The following KIF26B variants were observed in gnomAD, a reference collection of about 807,000 sequenced individuals.
KIF26B encodes kinesin family member 26B, also known as kinesin-like protein KIF26B.
In KIF26B, 63 loss-of-function variants were observed where a neutral mutation model predicts 151.2. That is an observed-to-expected ratio of 0.42 (90% CI 0.34 to 0.51). The LOEUF is 0.51. Ranked by LOEUF, KIF26B falls within the 20% of genes least tolerant of loss-of-function variation. The probability of loss-of-function intolerance (pLI) is 0.07; values close to 1 mark genes in which losing one functional copy is unlikely to be tolerated. For synonymous variants in KIF26B, 1,357 were observed against 1,262.1 expected, an observed-to-expected ratio of 1.08 and a Z score of -1.59; for missense variants, 2,813 against 2,913.6, an observed-to-expected ratio of 0.97 and a Z score of 0.79.
intron 4 of KIF26B, among the ~76,000 whole-genome samples, chr1:245,479,444 G>A (rs1480708674): frequency 3.3e-5 from 5 of 151,736 alleles, no homozygotes; most frequent in Non-Finnish European, 5.9e-5. Flanking sequence ...AGTCTTTTTT[G>A]TTAGCTCTTT....
chr1:245,526,344 C>T (rs149698985), intron 4 of KIF26B, among the ~76,000 whole-genome samples: 1 of 152,136 alleles, frequency 6.6e-6, no homozygotes, highest in Non-Finnish European at 1.5e-5. Context: ...TGCTAAGGTA[C>T]CAGCCATCTA....
intron 2 of KIF26B, among the ~76,000 whole-genome samples, chr1:245,245,366 G>C (rs565231527): frequency 7.9e-5 from 12 of 152,308 alleles, no homozygotes; most frequent in African/African-American, 2.9e-4. Context: ...GCCGAGTCTT[G>C]CTGTTGCCCT....
intron 12 of KIF26B, among the ~76,000 whole-genome samples, chr1:245,697,733 A>C (rs1167736154): frequency 1.3e-5 from 2 of 152,132 alleles, no homozygotes; most frequent in Non-Finnish European, 2.9e-5. Context: ...TATTTAAAAG[A>C]TTGAAATTCA....
At chr1:245,586,944 C>T (rs978580923) in intron 5 of KIF26B, among the ~76,000 whole-genome samples, 1 of 152,042 alleles carries the variant, frequency 6.6e-6, no homozygotes, top group Non-Finnish European at 1.5e-5. Context: ...TTCCCACGTG[C>T]CGGGCTATTT....
intron 2 of KIF26B, among the ~76,000 whole-genome samples, chr1:245,336,085 G>A (rs1353928722): frequency 7.2e-6 from 1 of 138,372 alleles, no homozygotes; most frequent in Non-Finnish European, 1.5e-5. Flanking sequence ...GGAAAGGAGG[G>A]TCCCACGCAG....
intron 2 of KIF26B, among the ~76,000 whole-genome samples, chr1:245,325,653 G>A (rs566951986): frequency 6.6e-6 from 1 of 152,222 alleles, no homozygotes; most frequent in East Asian, 1.9e-4. Context: ...AGAGGTTGCG[G>A]TGAGCCAAGA....
At chr1:245,561,893 G>A (rs759302185) in intron 5 of KIF26B, among the ~76,000 whole-genome samples, 1 of 152,218 alleles carries the variant, frequency 6.6e-6, no homozygotes, top group South Asian at 2.1e-4. Flanking sequence ...GTAAATGTCA[G>A]AGGTGGTCCT....
chr1:245,264,783 C>T (rs891847577), intron 2 of KIF26B, among the ~76,000 whole-genome samples: 2 of 151,004 alleles, frequency 1.3e-5, no homozygotes, highest in Non-Finnish European at 2.9e-5. Context: ...GTCCCAGCTA[C>T]TCTAGAGGCT....
intron 4 of KIF26B, among the ~76,000 whole-genome samples, chr1:245,507,193 A>G (rs974772919): frequency 1.3e-5 from 2 of 152,182 alleles, no homozygotes; most frequent in Non-Finnish European, 2.9e-5. Flanking sequence ...AGGTCAGTGT[A>G]TGTGGAGATT....
intron 4 of KIF26B, among the ~76,000 whole-genome samples, chr1:245,463,348 C>T (rs1659696514): frequency 6.6e-6 from 1 of 152,114 alleles, no homozygotes; most frequent in South Asian, 2.1e-4. Flanking sequence ...AGTGGCAGAA[C>T]CAGGATTCAT....
At chr1:245,559,937 G>A (rs1221275316) in intron 5 of KIF26B, among the ~76,000 whole-genome samples, 1 of 151,782 alleles carries the variant, frequency 6.6e-6, no homozygotes, top group African/African-American at 2.4e-5. Flanking sequence ...AGATTTCAGT[G>A]GTGCATCACA....
At chr1:245,573,239 T>C (rs1558220045) in intron 5 of KIF26B, among the ~76,000 whole-genome samples, 4 of 152,172 alleles carry the variant, frequency 2.6e-5, no homozygotes, top group Middle Eastern at 3.2e-3. Flanking sequence ...TTAAAATTAA[T>C]GAGGCCGGGA....
intron 5 of KIF26B, among the ~76,000 whole-genome samples, chr1:245,568,612 C>T (rs1367925497): frequency 2.6e-5 from 4 of 152,192 alleles, no homozygotes; most frequent in South Asian, 2.1e-4. Context: ...AGGGAGCTAG[C>T]GGTTTATTGC....
Position 245,705,032 on chromosome 1 carries a change from C to A in KIF26B, c.*2426C>A, listed in dbSNP as rs2044822913. 2 of 152,236 alleles carry A rather than the reference C, an allele frequency of 1.3e-5. No individual in the cohort carries two copies. Among genetic ancestry groups the A allele is most frequent in the South Asian group, 4.1e-4 (2 of 4,832 alleles). 9.4% of individuals were successfully genotyped at this position (152,236 alleles called of 1,614,324 possible). A position where few individuals can be genotyped will look rare whatever the true frequency, so the allele number is the denominator to read the frequency against. On this transcript the variant is annotated 3_prime_UTR_variant, in exon 15 of 15. Transcript: ENST00000407071. Reference sequence around the variant, plus strand: ...CCAGTGACAGAGCCTGGTGCCCTTCCTGGACTGAAACCGATGGAATCCTTC... The same window carrying A: ...CCAGTGACAGAGCCTGGTGCCCTTCATGGACTGAAACCGATGGAATCCTTC...
At chr1:245,632,372 T>C (rs528499768) in intron 9 of KIF26B, among the ~76,000 whole-genome samples, 1 of 152,362 alleles carries the variant, frequency 6.6e-6, no homozygotes, top group East Asian at 1.9e-4. Context: ...TACTGAATTG[T>C]GATCTAAGAT....
chr1:245,240,170 A>G (rs1004464569), intron 2 of KIF26B, among the ~76,000 whole-genome samples: 2 of 152,130 alleles, frequency 1.3e-5, no homozygotes, highest in Non-Finnish European at 2.9e-5. Flanking sequence ...CTCAAAAAAA[A>G]AGAGAGTCAT....
At chr1:245,677,332 A>T (rs1199116124) in intron 10 of KIF26B, among the ~76,000 whole-genome samples, 1 of 152,246 alleles carries the variant, frequency 6.6e-6, no homozygotes, top group Non-Finnish European at 1.5e-5. Context: ...TATCTCTGCC[A>T]ATACTTTATT....
At chr1:245,378,796 A>T (rs1241025814) in intron 3 of KIF26B, among the ~76,000 whole-genome samples, 1 of 152,218 alleles carries the variant, frequency 6.6e-6, no homozygotes, top group African/African-American at 2.4e-5. Context: ...CTCATGCACC[A>T]GAAATAAAAC....
chr1:245,456,267 C>T (rs982037837), intron 4 of KIF26B, among the ~76,000 whole-genome samples: 29 of 152,212 alleles, frequency 1.9e-4, no homozygotes, highest in African/African-American at 6.5e-4. Context: ...TAATGAATAC[C>T]TTATCGTTGT....
Sources: allele counts gnomAD v4.1 joint callset (sites outside exome capture counted in the v4.1 genomes callset), GRCh38; gene constraint gnomAD v4.1.1; transcripts MANE v1.5; gene names NCBI Gene and HGNC (gene_info 2026-07-23, HGNC 2026-07-21).